Variants in CCDC88C observed in about 807,000 individuals in gnomAD.
The protein encoded by CCDC88C is protein Daple.
A neutral mutation model predicts 198.8 loss-of-function variants in CCDC88C; 131 were observed. The observed-to-expected ratio is 0.66, with a 90% CI of 0.57 to 0.76. The LOEUF (loss-of-function observed/expected upper bound fraction) is 0.76, where lower values mean the gene tolerates loss of function less well. CCDC88C is among the 30% of genes least tolerant of loss of function. CCDC88C has a pLI of 0.00. For synonymous variants in CCDC88C, 1,166 were observed against 1,114.7 expected (o/e 1.05, Z -0.92); for missense variants, 2,553 against 2,631.6 (o/e 0.97, Z 0.65).
At chr14:91,362,233 C>CAA (rs796522324) in intron 3 of CCDC88C, among the ~76,000 whole-genome samples, 29 of 113,572 alleles carry the variant, frequency 2.6e-4, no homozygotes, top group Non-Finnish European at 3.9e-4. Context: ...GATTCTGTCT[C>CAA]AAAAAAAAAA....
At chr14:91,409,490 CTTT>C (rs66484836) in intron 2 of CCDC88C, among the ~76,000 whole-genome samples, 51 of 140,392 alleles carry the variant, frequency 3.6e-4, no homozygotes, top group African/African-American at 6.9e-4. Context: ...CGGTACATTT[CTTT>C]TTTTTTTTTT....
intron 2 of CCDC88C, among the ~76,000 whole-genome samples, chr14:91,415,440 G>C (rs544939507): frequency 1.3e-5 from 2 of 152,040 alleles, no homozygotes; most frequent in East Asian, 3.9e-4. Context: ...AATAAAAGGA[G>C]GCCGGGCACC....
chr14:91,308,016 A>G (rs556019200), intron 17 of CCDC88C, among the ~76,000 whole-genome samples: 30 of 152,346 alleles, frequency 2.0e-4, no homozygotes, highest in African/African-American at 7.2e-4. Context: ...CTGTCTCATC[A>G]GAGGGCACCC....
At chr14:91,289,894 T>C (rs184152944) in intron 24 of CCDC88C, among the ~76,000 whole-genome samples, 1 of 152,294 alleles carries the variant, frequency 6.6e-6, no homozygotes, top group African/African-American at 2.4e-5. Flanking sequence ...TCACCCCGTC[T>C]CTGAAACGAA....
intron 4 of CCDC88C, among the ~76,000 whole-genome samples, chr14:91,348,744 T>G (rs1893658247): frequency 1.3e-5 from 2 of 152,274 alleles, no homozygotes; most frequent in South Asian, 4.1e-4. Flanking sequence ...AGAATTAAGT[T>G]TAGAAAAATA....
intron 26 of CCDC88C, among the ~76,000 whole-genome samples, chr14:91,283,092 GGCAGTGGGTTCTGAGGCCCCATT>G (rs1294720909): frequency 6.6e-6 from 1 of 152,156 alleles, no homozygotes; most frequent in Non-Finnish European, 1.5e-5. Context: ...TGCCGGTGGT[GGCAGTGGGTTCTGAGGCCCCATT>G]GCAGTTGGGC....
chr14:91,297,189 T>G, intron 22 of CCDC88C, 116 bp downstream of exon 22: 2 of 1,069,320 alleles, frequency 1.9e-6, no homozygotes, highest in Non-Finnish European at 2.7e-6. Flanking sequence ...CCTCCACACA[T>G]TTCTGTCTTT....
intron 19 of CCDC88C, among the ~76,000 whole-genome samples, chr14:91,304,757 C>T (rs1891487849): frequency 6.6e-6 from 1 of 152,194 alleles, no homozygotes; most frequent in Non-Finnish European, 1.5e-5. Flanking sequence ...GGAGGGAATA[C>T]TTCCCAAATC....
In CCDC88C at chr14:91,315,770, G is replaced by C; in HGVS notation, c.1545C>G (p.Thr515=). 6.2e-7 allele frequency: 1 copy of C among 1,612,960 alleles called. No individual in the cohort carries two copies. The highest frequency in any genetic ancestry group is 8.5e-7 in the Non-Finnish European group (1 of 1,179,442). Reference sequence around the variant, plus strand: ...TGCTCTGCTTTTCTCTCTCCAGCTGGGTTTGTAACTTTTCAATCTGCAGAA... The same window carrying C: ...TGCTCTGCTTTTCTCTCTCCAGCTGCGTTTGTAACTTTTCAATCTGCAGAA... ...QLSKKIEKLQ[T]QLEREKQSNQ... Residue 515 remains threonine (T), a synonymous_variant, in exon 14 of 30, where the codon ACC becomes ACG. Coordinates refer to ENST00000389857, the MANE Select transcript of CCDC88C (RefSeq NM_001080414.4).
Position 91,272,801 on chromosome 14 carries a change from GC to G in CCDC88C, c.5910del (p.Gln1971ArgfsTer94). On this transcript the variant is annotated frameshift_variant, in exon 30 of 30. Transcript: ENST00000389857. LOFTEE classifies it high-confidence loss of function. Reference sequence around the variant, plus strand: ...GCCGGAAGCCCCTCACTGCAGCCCTGCCCCGGGACCCCGTCTCCCTCTGAGA... The same window carrying G: ...GCCGGAAGCCCCTCACTGCAGCCCTGCCCGGGACCCCGTCTCCCTCTGAGA... Reference protein sequence around the residue: ...LSLSEGDGVPGQGCSEGLPAK... With the variant: ...LSLSEGDGVPXQGCSEGLPAK... 6.2e-7 allele frequency: 1 copy of G among 1,600,486 alleles called. No individual in the cohort carries two copies.
chr14:91,409,728 C>T (rs1479232471), intron 2 of CCDC88C, among the ~76,000 whole-genome samples: 1 of 152,090 alleles, frequency 6.6e-6, no homozygotes, highest in African/African-American at 2.4e-5. Flanking sequence ...CCTCAAGTGA[C>T]ACCCGCCTTG....
chr14:91,324,645 G>T, intron 12 of CCDC88C, 134 bp downstream of exon 12: 1 of 1,131,304 alleles, frequency 8.8e-7, no homozygotes, highest in East Asian at 2.4e-5. Flanking sequence ...GTTCCAAGTG[G>T]AGCTTGAAGG....
intron 3 of CCDC88C, among the ~76,000 whole-genome samples, chr14:91,397,932 T>A (rs764258861): frequency 5.3e-5 from 8 of 152,256 alleles, no homozygotes; most frequent in Non-Finnish European, 8.8e-5. Flanking sequence ...AAGCAGCTGA[T>A]GATGAAGAAA....
intron 3 of CCDC88C, among the ~76,000 whole-genome samples, chr14:91,375,806 G>A (rs879775907): frequency 5.5e-4 from 83 of 152,268 alleles, no homozygotes; most frequent in Admixed American, 4.7e-3. Context: ...TCCTCAGGGC[G>A]AGTGGGGGGC....
rs769605451 is a variant in CCDC88C at position 91,416,727 on chromosome 14, AG to A, written c.161+10del. 6 of 1,570,668 alleles carry A rather than the reference AG, an allele frequency of 3.8e-6. No individual in the cohort carries two copies. In the South Asian group the frequency reaches 5.6e-5, roughly 15 times the overall value. On this transcript the variant is annotated intron_variant, in intron 2 of 29. Coordinates refer to ENST00000389857, the MANE Select transcript of CCDC88C (RefSeq NM_001080414.4). ...CCATTCTTTCCTTCCTCCGAGAAGA[AG>A]GTAACTTACATTTGCAGCATAATTT... is the stretch of plus-strand genomic sequence containing the variant.
chr14:91,358,124 G>A (rs1259306293), intron 4 of CCDC88C, among the ~76,000 whole-genome samples: 4 of 152,206 alleles, frequency 2.6e-5, no homozygotes, highest in Non-Finnish European at 5.9e-5. Context: ...ACGGAACAAG[G>A]AAGCCGCTGC....
At chr14:91,412,232 T>C (rs1235317804) in intron 2 of CCDC88C, among the ~76,000 whole-genome samples, 1 of 152,068 alleles carries the variant, frequency 6.6e-6, no homozygotes, top group Non-Finnish European at 1.5e-5. Context: ...TATGGACCCA[T>C]GCTAAAAAAC....
chr14:91,380,006 A>G, intron 3 of CCDC88C: 1 of 657,216 alleles, frequency 1.5e-6, no homozygotes, highest in East Asian at 2.7e-5. Flanking sequence ...CACCGTGAGA[A>G]CCAACTCCAC....
intron 3 of CCDC88C, among the ~76,000 whole-genome samples, chr14:91,392,782 T>C (rs553575902): frequency 1.3e-5 from 2 of 148,812 alleles, no homozygotes; most frequent in African/African-American, 5.2e-5. Flanking sequence ...TCACTCTCAC[T>C]GCACCCCTCA....
Sources: allele counts gnomAD v4.1 joint callset (sites outside exome capture counted in the v4.1 genomes callset), GRCh38; gene constraint gnomAD v4.1.1; transcripts MANE v1.5; gene names NCBI Gene and HGNC (gene_info 2026-07-23, HGNC 2026-07-21).